The following CLEC12A variants were observed in gnomAD, a reference collection of about 807,000 sequenced individuals.
CLEC12A encodes the protein C-type lectin protein CLL-1.
In CLEC12A, 22 loss-of-function variants were observed where a neutral mutation model predicts 26.5. The ratio of observed to expected loss-of-function variants is 0.83; its 90% CI spans 0.59 to 1.19. The LOEUF (loss-of-function observed/expected upper bound fraction) is 1.19. Among genes scored for constraint, CLEC12A ranks in the 50% most tolerant of loss-of-function variants. The pLI is 0.00. For missense variants in CLEC12A, 353 were observed against 315.6 expected (o/e 1.12, Z -0.90); for synonymous variants, 119 against 101.9 (o/e 1.17, Z -1.01).
chr12:9,993,237 T>C, intron 4 of CLEC12A: 2 of 1,612,678 alleles, frequency 1.2e-6, no homozygotes, highest in East Asian at 2.2e-5. Context: ...TTTCCCATTA[T>C]GAAAATAAGC....
downstream of CLEC12A, among the ~76,000 whole-genome samples, chr12:9,996,338 A>C (rs1432163691): frequency 6.6e-6 from 1 of 152,236 alleles, no homozygotes; most frequent in Admixed American, 6.5e-5. Context: ...TTAGTTATAA[A>C]TCTTCAACCT....
intron 1 of CLEC12A, among the ~76,000 whole-genome samples, chr12:9,956,367 A>T (rs35906004): frequency 0.022 from 3,363 of 152,346 alleles, 64 homozygotes; most frequent in Non-Finnish European, 0.038. Flanking sequence ...AATTTGCTGG[A>T]ATTCTTATTC....
downstream of CLEC12A, among the ~76,000 whole-genome samples, chr12:9,990,132 TTTTCA>T (rs1958646352): frequency 6.6e-6 from 1 of 152,090 alleles, no homozygotes; most frequent in Non-Finnish European, 1.5e-5. Flanking sequence ...GAGGTTAATG[TTTTCA>T]GTCCTGCTAA....
downstream of CLEC12A, chr12:9,998,941 TTAAAC>T: frequency 1.4e-6 from 1 of 718,642 alleles, no homozygotes. Flanking sequence ...GAAAAAGAAA[TTAAAC>T]TATATATATT....
chr12:9,997,348 T>C (rs73050636), downstream of CLEC12A: 31,158 of 1,408,954 alleles, frequency 0.022, 424 homozygotes, highest in Non-Finnish European at 0.025. Context: ...GGTCTGTCAT[T>C]GAATTTTCAT....
In CLEC12A at chr12:9,980,704, C is replaced by T. The variant is rs1263178781; in HGVS notation, c.502C>T (p.Leu168=). ...GGCCTGTGCTGCTCAGAATGCCAGC[C>T]TGTTGAAGATAAACAACAAAAATGC... ...KMACAAQNAS[L]LKINNKNALE... The change falls in exon 4 of 6, where the codon CTG becomes TTG. Residue 168 remains leucine (L), a synonymous_variant. Coordinates refer to ENST00000304361, the MANE Select transcript of CLEC12A (RefSeq NM_138337.6). 4 of 1,613,652 alleles carry T rather than the reference C, an allele frequency of 2.5e-6. No homozygotes were observed. In the East Asian group the frequency reaches 6.7e-5, roughly 27 times the overall value.
chr12:9,971,423 C>A lies in CLEC12A; in HGVS notation c.-174C>A, dbSNP rs1372106604. 7.9e-7 allele frequency: 1 copy of A among 1,272,424 alleles called. No homozygotes were observed. The highest frequency in any genetic ancestry group is 3.2e-5 in the East Asian group (1 of 30,884). The allele number at this position is 1,272,424 out of a possible 1,614,324, so 78.8% of individuals were successfully genotyped here. ...AGATGAGATTTGGCTCATTTGCAGA[C>A]ATATGGGTGATTGGTACAGTAGGTT... On this transcript the variant is annotated 5_prime_UTR_variant, in exon 1 of 6. Transcript: ENST00000304361.
At chr12:9,972,619 A>G (rs1032211281) in intron 1 of CLEC12A, among the ~76,000 whole-genome samples, 4 of 152,202 alleles carry the variant, frequency 2.6e-5, no homozygotes, top group Non-Finnish European at 5.9e-5. Context: ...ATATTATTTA[A>G]GTTGTTGTCC....
At chr12:9,980,519 G>A in intron 3 of CLEC12A, 63 bp from the exon 4 acceptor site, 1 of 1,433,610 alleles carries the variant, frequency 7.0e-7, no homozygotes, top group Non-Finnish European at 9.6e-7. Flanking sequence ...AGAGAGGAAA[G>A]GAAATAATAA....
chr12:9,989,892 C>T (rs1392396162), downstream of CLEC12A, among the ~76,000 whole-genome samples: 2 of 152,150 alleles, frequency 1.3e-5, no homozygotes, highest in African/African-American at 2.4e-5. Flanking sequence ...TTTATCATTT[C>T]AAACGTCCTA....
At chr12:9,971,377 A>C (rs1400884640), upstream of CLEC12A, 6 of 1,158,902 alleles carry the variant, frequency 5.2e-6, no homozygotes, top group African/African-American at 1.6e-5. Context: ...GCAACAGTTC[A>C]ATGTTCTTAA....
chr12:9,981,901 G>A (rs1591834946), intron 4 of CLEC12A, 119 bp from the exon 5 acceptor site: 25 of 546,022 alleles, frequency 4.6e-5, no homozygotes, highest in East Asian at 3.2e-4. Flanking sequence ...ACATTTAATA[G>A]TAGTAGTGCA....
chr12:9,983,653 G>T, intron 5 of CLEC12A: 1 of 586,742 alleles, frequency 1.7e-6, no homozygotes, highest in Non-Finnish European at 3.0e-6. Flanking sequence ...CTGTGTTGAG[G>T]TGCCACCACA....
upstream of CLEC12A, among the ~76,000 whole-genome samples, chr12:9,969,643 A>T (rs1463375409): frequency 6.6e-6 from 1 of 152,230 alleles, no homozygotes; most frequent in Non-Finnish European, 1.5e-5. Context: ...ACAACGTTCC[A>T]CATGAGACAG....
downstream of CLEC12A, among the ~76,000 whole-genome samples, chr12:10,000,238 C>T (rs1469036736): frequency 6.6e-6 from 1 of 152,188 alleles, no homozygotes; most frequent in Non-Finnish European, 1.5e-5. Flanking sequence ...ATTATGTGGG[C>T]TGCAGTAGCA....
At chr12:9,953,636 G>A (rs1217755945) in intron 1 of CLEC12A, among the ~76,000 whole-genome samples, 4 of 151,260 alleles carry the variant, frequency 2.6e-5, no homozygotes, top group Admixed American at 6.6e-5. Context: ...GAGGTGAGGG[G>A]CGCCTCTGCC....
upstream of CLEC12A, among the ~76,000 whole-genome samples, chr12:9,967,949 C>T (rs611819): frequency 0.57 from 87,198 of 151,670 alleles, 25,373 homozygotes; most frequent in South Asian, 0.72. Context: ...AATTCCGTGA[C>T]TGGTGCCGGA....
chr12:9,954,563 T>G (rs982993300), intron 1 of CLEC12A, among the ~76,000 whole-genome samples: 1 of 152,238 alleles, frequency 6.6e-6, no homozygotes, highest in East Asian at 1.9e-4. Context: ...TTTATTGGAT[T>G]ACCTATCAGA....
At chr12:9,980,488 C>A in intron 3 of CLEC12A, 94 bp from the exon 4 acceptor site, 4 of 1,207,936 alleles carry the variant, frequency 3.3e-6, no homozygotes, top group East Asian at 2.5e-5. Context: ...GAATAAACAG[C>A]AAATGTGATC....
Sources: gnomAD v4.1 joint callset for allele counts (sites outside exome capture counted in the v4.1 genomes callset) on GRCh38, gnomAD v4.1.1 for gene constraint, MANE v1.5 for transcripts, NCBI Gene and HGNC (gene_info 2026-07-23, HGNC 2026-07-21) for gene names.